FOXP2: variants seen among roughly 807,000 people sequenced by gnomAD.
FOXP2 encodes the protein forkhead box P2, also known as forkhead box protein P2.
A neutral mutation model predicts 115.8 loss-of-function variants in FOXP2; 12 were observed. The observed-to-expected ratio is 0.10, with a 90% CI of 0.07 to 0.17. The LOEUF is 0.17. Among genes scored for constraint, FOXP2 ranks in the 10% least tolerant of loss-of-function variants. FOXP2 has a pLI of 1.00. For synonymous variants in FOXP2, 328 were observed against 297.7 expected, an observed-to-expected ratio of 1.10 and a Z score of -1.05; for missense variants, 629 against 843.5, an observed-to-expected ratio of 0.75 and a Z score of 3.15.
Position 114,150,567 on chromosome 7 carries a change from G to GT in FOXP2, c.-246-12372dup, listed in dbSNP as rs1412948549. Among the ~76,000 whole-genome samples the GT allele has an allele frequency of 2.0e-5, 3 of 151,658 alleles. No individual in the cohort carries two copies. In the East Asian group the frequency reaches 5.8e-4, roughly 29 times the overall value. ...CATACAGTGCTACTTTATTATTATTGTTTTTGCTGCATTGTGTTGTTTATT... is the reference window on the plus strand; with the variant it reads ...CATACAGTGCTACTTTATTATTATTGTTTTTTGCTGCATTGTGTTGTTTATT... On this transcript the variant is annotated intron_variant, in intron 1 of 19. Coordinates refer to the FOXP2 transcript ENST00000635638.
intron 2 of FOXP2, among the ~76,000 whole-genome samples, chr7:114,394,805 G>A (rs578215768): frequency 1.2e-4 from 19 of 152,208 alleles, no homozygotes; most frequent in African/African-American, 4.6e-4. Context: ...AAGACTGAAG[G>A]AACTGTTCGA....
intron 2 of FOXP2, among the ~76,000 whole-genome samples, chr7:114,447,177 T>C (rs560483303): frequency 6.6e-6 from 1 of 152,308 alleles, no homozygotes; most frequent in African/African-American, 2.4e-5. Flanking sequence ...TTCTACCTCC[T>C]AAATATCTTT....
Position 114,474,371 on chromosome 7 carries a change from G to A in FOXP2, c.168+47692G>A, listed in dbSNP as rs546219795. Among the ~76,000 whole-genome samples, 421 of 152,122 alleles carry A rather than the reference G, an allele frequency of 2.8e-3. 1 individual carries two copies. The highest frequency in any genetic ancestry group is 4.2e-3 in the Non-Finnish European group (288 of 67,970). On this transcript the variant is annotated intron_variant, in intron 2 of 16. Coordinates refer to ENST00000350908, the MANE Select transcript of FOXP2 (RefSeq NM_014491.4). ...AACTTATACAAATGTTCACTGAAAG[G>A]CTATACACATCAACAAAATGAATGA...
chr7:114,195,459 A>G (rs999703072), intron 1 of FOXP2, among the ~76,000 whole-genome samples: 15 of 152,146 alleles, frequency 9.9e-5, no homozygotes, highest in African/African-American at 3.4e-4. Context: ...AGCTTTATAT[A>G]TGTGTATGAT....
rs571908002 is a variant in FOXP2, at chr7:114,378,132, T to C, written c.-10-48370T>C. Among the ~76,000 whole-genome samples, 14 of 152,282 alleles carry C rather than the reference T, an allele frequency of 9.2e-5. No homozygotes were observed. The South Asian group carries it at 2.9e-3, about 32-fold the overall frequency. On this transcript the variant is annotated intron_variant, in intron 2 of 17. Coordinates refer to the FOXP2 transcript ENST00000634411. The stretch of plus-strand genomic sequence containing the variant: ...TAATTTTGATTGTGCAAATAATTGT[T>C]TGATAACTCTTCACTAAACTAAACT...
intron 2 of FOXP2, among the ~76,000 whole-genome samples, chr7:114,496,018 G>T (rs1282645129): frequency 6.6e-6 from 1 of 152,080 alleles, no homozygotes; most frequent in Non-Finnish European, 1.5e-5. Context: ...AATATTATGT[G>T]TGACTCTGGC....
intron 1 of FOXP2, among the ~76,000 whole-genome samples, chr7:114,216,049 G>A (rs1563009035): frequency 6.6e-6 from 1 of 152,096 alleles, no homozygotes; most frequent in Non-Finnish European, 1.5e-5. Flanking sequence ...ACAAAAACAG[G>A]CCTGAATTCA....
At chr7:114,631,153 T>C (rs1804893128) in intron 5 of FOXP2, 1 of 293,444 alleles carries the variant, frequency 3.4e-6, no homozygotes, top group Non-Finnish European at 6.6e-6. Context: ...ATCAAACTTA[T>C]TCAATTGGAA....
chr7:114,161,883 T>C (rs1792847253), upstream of FOXP2, among the ~76,000 whole-genome samples: 5 of 152,082 alleles, frequency 3.3e-5, no homozygotes, highest in Non-Finnish European at 7.4e-5. Context: ...CCTGGGTTCA[T>C]GCAATTCTTG....
chr7:114,153,104 C>T (rs1792569287), intron 1 of FOXP2, among the ~76,000 whole-genome samples: 1 of 152,124 alleles, frequency 6.6e-6, no homozygotes, highest in African/African-American at 2.4e-5. Context: ...TTGCTGGAAA[C>T]TTTCACATTA....
intron 8 of FOXP2, among the ~76,000 whole-genome samples, chr7:114,646,820 G>A (rs1299912640): frequency 6.6e-6 from 1 of 151,736 alleles, no homozygotes; most frequent in Non-Finnish European, 1.5e-5. Flanking sequence ...ATTAACTTCG[G>A]TTATTCAAAA....
chr7:114,217,634 T>C (rs1794520050), intron 1 of FOXP2, among the ~76,000 whole-genome samples: 1 of 152,190 alleles, frequency 6.6e-6, no homozygotes, highest in African/African-American at 2.4e-5. Context: ...GGCCAAACAA[T>C]CTGGTGTAAC....
intron 2 of FOXP2, among the ~76,000 whole-genome samples, chr7:114,503,823 ACAATATTG>A (rs1310867259): frequency 6.6e-6 from 1 of 151,266 alleles, no homozygotes; most frequent in Non-Finnish European, 1.5e-5. Context: ...GTTCCTTAAT[ACAATATTG>A]CTGCTTCTCT....
chr7:114,623,912 C>T (rs973531360), intron 3 of FOXP2, among the ~76,000 whole-genome samples: 1 of 151,916 alleles, frequency 6.6e-6, no homozygotes, highest in Admixed American at 6.6e-5. Flanking sequence ...GCAATATGCA[C>T]TGTCCATCCC....
At chr7:114,462,996 T>C (rs1280917052) in intron 2 of FOXP2, 3 of 360,486 alleles carry the variant, frequency 8.3e-6, no homozygotes, top group Admixed American at 3.6e-5. Flanking sequence ...TCATCCAAGA[T>C]GCAGTATATG....
In FOXP2 at chr7:114,340,377, A is replaced by ATATT. The variant is rs1369286617; in HGVS notation, c.-11+52269_-11+52272dup. On this transcript the variant is annotated intron_variant, in intron 2 of 17. Transcript: ENST00000634411. ...AGACACACTAAGGGACATAAAGAAT[A>ATATT]TATTAGCCCTTGTGTTGTGGTCACA... Among the ~76,000 whole-genome samples, 5 of 151,272 alleles carry ATATT rather than the reference A, an allele frequency of 3.3e-5. No individual in the cohort carries two copies. The East Asian group carries it at 9.7e-4, about 29-fold the overall frequency.
chr7:114,393,623 G>A (rs1792664455), intron 2 of FOXP2, among the ~76,000 whole-genome samples: 1 of 151,828 alleles, frequency 6.6e-6, no homozygotes, highest in Non-Finnish European at 1.5e-5. Flanking sequence ...TCTCCAGAAG[G>A]GATACAGAGT....
At chr7:114,296,462 A>G (rs1796743106) in intron 2 of FOXP2, among the ~76,000 whole-genome samples, 1 of 152,066 alleles carries the variant, frequency 6.6e-6, no homozygotes, top group Non-Finnish European at 1.5e-5. Context: ...TTCACATAAG[A>G]ACAACCTTTT....
chr7:114,432,998 C>T (rs1327686042), intron 2 of FOXP2, among the ~76,000 whole-genome samples: 1 of 151,870 alleles, frequency 6.6e-6, no homozygotes, highest in Non-Finnish European at 1.5e-5. Flanking sequence ...ACTGTTTGGT[C>T]TCTAGAGAGT....
Sources: gnomAD v4.1 joint callset for allele counts (sites outside exome capture counted in the v4.1 genomes callset) on GRCh38, gnomAD v4.1.1 for gene constraint, MANE v1.5 for transcripts, NCBI Gene and HGNC (gene_info 2026-07-23, HGNC 2026-07-21) for gene names.